SPEF2: variants seen among roughly 807,000 people sequenced by gnomAD.
The protein encoded by SPEF2 is sperm flagellar and cilia associated 2.
In SPEF2, 187 loss-of-function variants were observed where a neutral mutation model predicts 224.6. That is an observed-to-expected ratio of 0.83 (90% confidence interval 0.74 to 0.94). The LOEUF is 0.94. Ranked by LOEUF, SPEF2 falls within the 40% of genes least tolerant of loss-of-function variation. The pLI, the probability that SPEF2 is intolerant of heterozygous loss-of-function variation, is 0.00. For synonymous variants in SPEF2, 715 were observed against 707.3 expected (o/e 1.01, Z -0.17); for missense variants, 2,170 against 2,135.6 (o/e 1.02, Z -0.32).
chr5:35,638,782 C>A (rs955653379), intron 2 of SPEF2, among the ~76,000 whole-genome samples: 16 of 152,084 alleles, frequency 1.1e-4, no homozygotes, highest in Admixed American at 6.6e-4. Context: ...CTGAAAGTTG[C>A]AGCGTGTGTT....
intron 10 of SPEF2, among the ~76,000 whole-genome samples, chr5:35,682,512 C>T (rs1752980794): frequency 1.3e-5 from 2 of 152,114 alleles, no homozygotes; most frequent in African/African-American, 4.8e-5. Context: ...TTAGAACATA[C>T]CAAATTGGGA....
chr5:35,658,093 G>A (rs1318272056), intron 7 of SPEF2, among the ~76,000 whole-genome samples: 3 of 152,070 alleles, frequency 2.0e-5, no homozygotes, highest in African/African-American at 7.3e-5. Context: ...TCTCTGTTTC[G>A]AAAGAGTGAG....
At chr5:35,692,540 C>A in intron 11 of SPEF2, 30 bp from the exon 12 acceptor site, 1 of 1,517,354 alleles carries the variant, frequency 6.6e-7, no homozygotes, top group Non-Finnish European at 8.9e-7. Flanking sequence ...AAATGAAAAG[C>A]TATTTATAAA....
chr5:35,708,674 TCACCACCTCTACCTCCATCAC>T (rs1561236490), intron 18 of SPEF2, among the ~76,000 whole-genome samples: 4 of 124,724 alleles, frequency 3.2e-5, no homozygotes, highest in African/African-American at 6.3e-5. Context: ...ACCAGCACCA[TCACCACCTCTACCTCCATCAC>T]CATCACCACC....
chr5:35,695,753 C>T lies in SPEF2; in HGVS notation c.1994C>T (p.Thr665Ile), dbSNP rs906604769. 4.3e-6 allele frequency: 7 copies of T among 1,610,446 alleles called. No individual in the cohort carries two copies. Among genetic ancestry groups the T allele is most frequent in the Admixed American group, 3.4e-5 (2 of 59,542 alleles). The change falls in exon 14 of 37, where the codon ACA becomes ATA. Residue 665 changes from threonine (T) to isoleucine (I), a missense_variant. Physicochemically the swap from Thr to Ile is moderately conservative, Grantham distance 89. Coordinates refer to ENST00000356031, the MANE Select transcript of SPEF2 (RefSeq NM_024867.4). ...ETMLSANADK[T>I]PKAEEVKSSD... The stretch of plus-strand genomic sequence containing the variant: ...TTGCTAGGTGCTAATGCTGATAAAA[C>T]ACCAAAAGCTGAAGAAGTCAAATCA...
chr5:35,801,459 G>A (rs1011431509), intron 34 of SPEF2, among the ~76,000 whole-genome samples: 1 of 151,788 alleles, frequency 6.6e-6, no homozygotes, highest in Non-Finnish European at 1.5e-5. Context: ...GTTGCAGTGA[G>A]CCAAGATCGC....
chr5:35,710,330 G>A (rs1183588431), intron 19 of SPEF2: 3 of 863,630 alleles, frequency 3.5e-6, no homozygotes, highest in East Asian at 1.2e-4. Context: ...GGCTGAGGTG[G>A]GCAGATCACC....
chr5:35,714,650 A>G (rs1041096270), intron 20 of SPEF2, among the ~76,000 whole-genome samples: 1 of 150,626 alleles, frequency 6.6e-6, no homozygotes, highest in South Asian at 2.1e-4. Context: ...GCTTGTTTTT[A>G]GGTTAGGTTG....
At chr5:35,705,233 A>G (rs1739513307) in intron 17 of SPEF2, among the ~76,000 whole-genome samples, 1 of 152,056 alleles carries the variant, frequency 6.6e-6, no homozygotes, top group Non-Finnish European at 1.5e-5. Context: ...TGAGTAAAAT[A>G]TATAAGTCTA....
chr5:35,619,073 T>G (rs1304929569), intron 1 of SPEF2, among the ~76,000 whole-genome samples: 1 of 152,180 alleles, frequency 6.6e-6, no homozygotes, highest in African/African-American at 2.4e-5. Context: ...CATGAGGATC[T>G]TTAGCACGGA....
chr5:35,690,731 T>C (rs2149530716), intron 10 of SPEF2, among the ~76,000 whole-genome samples: 1 of 152,262 alleles, frequency 6.6e-6, no homozygotes, highest in South Asian at 2.1e-4. Context: ...TTTTATCTGC[T>C]TACTGGTGAT....
chr5:35,764,501 A>G (rs4869467), intron 26 of SPEF2: 450,028 of 451,798 alleles, frequency 1, 224,154 homozygotes, highest in East Asian at 1. Context: ...TACACACAGA[A>G]TTTAACTCAG....
At chr5:35,770,614 G>T (rs1460447258) in intron 26 of SPEF2, among the ~76,000 whole-genome samples, 1 of 151,834 alleles carries the variant, frequency 6.6e-6, no homozygotes, top group East Asian at 1.9e-4. Context: ...TGCAGTATTT[G>T]CCTTTCTGTG....
chr5:35,683,383 G>A (rs780938775), intron 10 of SPEF2, among the ~76,000 whole-genome samples: 5 of 152,202 alleles, frequency 3.3e-5, no homozygotes, highest in South Asian at 2.1e-4. Context: ...CCAGCACTTT[G>A]GGAGGCTGAG....
At chr5:35,628,732 C>T (rs1744635953) in intron 2 of SPEF2, among the ~76,000 whole-genome samples, 170 bp downstream of exon 2, 1 of 152,084 alleles carries the variant, frequency 6.6e-6, no homozygotes, top group Non-Finnish European at 1.5e-5. Context: ...GGTGGGACTA[C>T]AGGTGCATGC....
At chr5:35,697,375 G>A (rs554189927) in intron 14 of SPEF2, among the ~76,000 whole-genome samples, 1 of 152,284 alleles carries the variant, frequency 6.6e-6, no homozygotes, top group East Asian at 1.9e-4. Context: ...GCATGCCCCT[G>A]TCTGCATGGC....
Position 35,712,863 on chromosome 5 carries a change from G to T in SPEF2, c.2891G>T (p.Gly964Val). Residue 964 changes from glycine to valine, a missense_variant, in exon 20 of 37, where the codon GGT (glycine) becomes GTT (valine). Transcript: ENST00000356031. ...CTTCAGGAAGGAAAAGGGAAGAAAG[G>T]TGAGACCGCACTCAAAAGAAAAGGT... Reference protein sequence around the residue: ...ESLQEGKGKKGETALKRKGSP... With the variant: ...ESLQEGKGKKVETALKRKGSP... 6.2e-7 allele frequency: 1 copy of T among 1,613,776 alleles called. No individual in the cohort carries two copies.
chr5:35,720,906 T>G (rs189167998), intron 20 of SPEF2, among the ~76,000 whole-genome samples: 16 of 152,312 alleles, frequency 1.1e-4, no homozygotes, highest in Admixed American at 1.0e-3. Flanking sequence ...GGGAAGCCTT[T>G]TAAATATGTT....
At chr5:35,806,210 AC>A (rs1758028889) in intron 34 of SPEF2, among the ~76,000 whole-genome samples, 1 of 152,126 alleles carries the variant, frequency 6.6e-6, no homozygotes, top group Non-Finnish European at 1.5e-5. Flanking sequence ...AAAAATCCCA[AC>A]CTGATTTTGT....
Sources: allele counts gnomAD v4.1 joint callset (sites outside exome capture counted in the v4.1 genomes callset), GRCh38; gene constraint gnomAD v4.1.1; transcripts MANE v1.5; gene names NCBI Gene and HGNC (gene_info 2026-07-23, HGNC 2026-07-21).